Variants in TYW1 observed in about 807,000 individuals in gnomAD.
The protein encoded by TYW1 is S-adenosyl-L-methionine-dependent tRNA 4-demethylwyosine synthase TYW1.
TYW1 carries 46 observed loss-of-function variants against 96.2 expected under a neutral mutation model. That is an observed-to-expected ratio of 0.48 (90% CI 0.38 to 0.61). The LOEUF (loss-of-function observed/expected upper bound fraction) is 0.61, where lower values mean the gene tolerates loss of function less well. Among genes scored for constraint, TYW1 ranks in the 20% least tolerant of loss-of-function variants. The pLI, the probability that TYW1 is intolerant of heterozygous loss-of-function variation, is 0.00. For synonymous variants in TYW1, 274 were observed against 323.0 expected (o/e 0.85, Z 1.63); for missense variants, 684 against 909.6 (o/e 0.75, Z 3.19).
chr7:67,136,528 TTAA>T (rs1426362001), intron 13 of TYW1, among the ~76,000 whole-genome samples: 1 of 152,172 alleles, frequency 6.6e-6, no homozygotes, highest in Non-Finnish European at 1.5e-5. Context: ...ATCATTGTAA[TTAA>T]TAATGTGACA....
rs147875648 is a variant in TYW1 at position 67,173,410 on chromosome 7, T to C, written c.1699-9716T>C. 5.4e-3 allele frequency among the ~76,000 whole-genome samples: 823 copies of C among 152,290 alleles called. 6 individuals carry two copies. The highest frequency in any genetic ancestry group is 0.019 in the African/African-American group (788 of 41,540). Reference sequence around the variant, plus strand: ...GTGTTTCTTTGTAATTCCTGTAAAATGGTAGTTACAACTAAAGGCTCGATT... The same window carrying C: ...GTGTTTCTTTGTAATTCCTGTAAAACGGTAGTTACAACTAAAGGCTCGATT... On this transcript the variant is annotated intron_variant, in intron 13 of 15. Coordinates refer to ENST00000359626, the MANE Select transcript of TYW1 (RefSeq NM_018264.4).
chr7:67,033,058 G>A (rs1275582929), intron 7 of TYW1, among the ~76,000 whole-genome samples: 2 of 151,462 alleles, frequency 1.3e-5, no homozygotes, highest in Admixed American at 6.6e-5. Context: ...CACCACGCCC[G>A]GCTAATTTTT....
chr7:67,202,239 T>C (rs1194514618), intron 15 of TYW1, among the ~76,000 whole-genome samples: 3 of 152,198 alleles, frequency 2.0e-5, no homozygotes, highest in East Asian at 3.8e-4. Context: ...AATGAAAATA[T>C]GGTACCACTT....
chr7:67,157,743 C>T (rs1362847736), intron 13 of TYW1, among the ~76,000 whole-genome samples: 1 of 152,216 alleles, frequency 6.6e-6, no homozygotes, highest in African/African-American at 2.4e-5. Flanking sequence ...GACAGTTTCT[C>T]AGACTTCCCT....
At chr7:67,155,526 C>A (rs1798940474) in intron 13 of TYW1, among the ~76,000 whole-genome samples, 1 of 151,866 alleles carries the variant, frequency 6.6e-6, no homozygotes, top group Admixed American at 6.6e-5. Flanking sequence ...AATTAAACCT[C>A]TTTTCTTCAT....
chr7:67,055,923 A>G (rs1364261748), intron 9 of TYW1, 36 bp downstream of exon 9: 3 of 1,538,262 alleles, frequency 2.0e-6, no homozygotes, highest in Non-Finnish European at 2.7e-6. Context: ...TGTCTATTAC[A>G]TGCAACTTTT....
intron 13 of TYW1, among the ~76,000 whole-genome samples, chr7:67,144,833 A>C (rs1286510473): frequency 6.6e-6 from 1 of 152,114 alleles, no homozygotes; most frequent in African/African-American, 2.4e-5. Context: ...AACGTTTTTA[A>C]CTGATACTTA....
chr7:67,049,489 G>A (rs1335585868), intron 7 of TYW1, among the ~76,000 whole-genome samples: 1 of 151,910 alleles, frequency 6.6e-6, no homozygotes, highest in Non-Finnish European at 1.5e-5. Context: ...TGGAGAGGAT[G>A]GGTTTTGTGG....
At chr7:67,058,815 C>T (rs540323836) in intron 9 of TYW1, among the ~76,000 whole-genome samples, 4 of 151,802 alleles carry the variant, frequency 2.6e-5, no homozygotes, top group African/African-American at 7.3e-5. Flanking sequence ...GCCTGTGATT[C>T]GTCTTGAATC....
intron 11 of TYW1, among the ~76,000 whole-genome samples, chr7:67,095,416 G>A (rs1163748641): frequency 6.6e-6 from 1 of 151,728 alleles, no homozygotes; most frequent in East Asian, 1.9e-4. Flanking sequence ...GCTGGGCATG[G>A]TGGCTCACGC....
At chr7:67,146,801 G>A (rs186759798) in intron 13 of TYW1, among the ~76,000 whole-genome samples, 15 of 152,318 alleles carry the variant, frequency 9.8e-5, no homozygotes, top group Non-Finnish European at 1.6e-4. Flanking sequence ...GTGAACCAGA[G>A]GCTGATACAG....
chr7:67,167,815 C>T (rs1324446492), intron 13 of TYW1, among the ~76,000 whole-genome samples: 2 of 151,852 alleles, frequency 1.3e-5, no homozygotes, highest in Non-Finnish European at 2.9e-5. Flanking sequence ...AGTGCAGTAG[C>T]GCGATCTCAG....
intron 7 of TYW1, among the ~76,000 whole-genome samples, chr7:67,043,052 C>G (rs1795079814): frequency 6.6e-6 from 1 of 151,630 alleles, no homozygotes; most frequent in African/African-American, 2.4e-5. Flanking sequence ...TTATCTCACT[C>G]AATCCTCACA....
intron 13 of TYW1, among the ~76,000 whole-genome samples, chr7:67,171,516 T>TG (rs1799512769): frequency 6.6e-6 from 1 of 152,156 alleles, no homozygotes; most frequent in Non-Finnish European, 1.5e-5. Flanking sequence ...TGTCTTTAAT[T>TG]GTTAGTTACT....
intron 11 of TYW1, among the ~76,000 whole-genome samples, chr7:67,092,089 G>C (rs948020171): frequency 6.6e-6 from 1 of 152,150 alleles, no homozygotes; most frequent in African/African-American, 2.4e-5. Flanking sequence ...TGCTTTGTCT[G>C]AGTTGATGGC....
intron 9 of TYW1, among the ~76,000 whole-genome samples, chr7:67,059,378 C>T (rs1181637983): frequency 2.0e-5 from 3 of 151,536 alleles, no homozygotes; most frequent in African/African-American, 7.3e-5. Flanking sequence ...GCTGGGATTA[C>T]AGGCGTGAGC....
intron 11 of TYW1, among the ~76,000 whole-genome samples, chr7:67,097,238 T>A (rs1389094256): frequency 6.6e-6 from 1 of 152,044 alleles, no homozygotes; most frequent in Non-Finnish European, 1.5e-5. Context: ...GATTCCAAGG[T>A]GATTCCAATG....
At chr7:67,044,334 G>A (rs1795122154) in intron 7 of TYW1, among the ~76,000 whole-genome samples, 2 of 152,078 alleles carry the variant, frequency 1.3e-5, no homozygotes, top group African/African-American at 4.8e-5. Context: ...CTGACCTCAA[G>A]TGATCTGCCC....
At chr7:67,100,708 A>G (rs1028799697) in intron 12 of TYW1, among the ~76,000 whole-genome samples, 4 of 151,896 alleles carry the variant, frequency 2.6e-5, no homozygotes, top group African/African-American at 9.7e-5. Flanking sequence ...AATAATAATG[A>G]TAATAATAAG....
Sources: allele counts gnomAD v4.1 joint callset (sites outside exome capture counted in the v4.1 genomes callset), GRCh38; gene constraint gnomAD v4.1.1; transcripts MANE v1.5; gene names NCBI Gene and HGNC (gene_info 2026-07-23, HGNC 2026-07-21).